Variants in SYNE1 observed in about 807,000 individuals in gnomAD.
SYNE1 encodes spectrin repeat containing nuclear envelope protein 1, also known as nesprin-1.
In SYNE1, 616 loss-of-function variants were observed where a neutral mutation model predicts 1,111.0. The ratio of observed to expected loss-of-function variants is 0.55; its 90% CI spans 0.52 to 0.59. The LOEUF (loss-of-function observed/expected upper bound fraction) is 0.59, where lower values mean the gene tolerates loss of function less well. Ranked by LOEUF, SYNE1 falls within the 20% of genes least tolerant of loss-of-function variation. The probability of loss-of-function intolerance (pLI) is 0.00; values close to 1 mark genes in which losing one functional copy is unlikely to be tolerated. For missense variants in SYNE1, 10,006 were observed against 10,417.0 expected, an observed-to-expected ratio of 0.96 and a Z score of 1.72; for synonymous variants, 3,855 against 3,825.8, an observed-to-expected ratio of 1.01 and a Z score of -0.28.
At chr6:152,232,410 G>T in intron 112 of SYNE1, 145 bp from the exon 113 acceptor site, 1 of 902,798 alleles carries the variant, frequency 1.1e-6, no homozygotes, top group Non-Finnish European at 1.7e-6. Context: ...TACCCTTTCT[G>T]AAAGCTTGAA....
intron 104 of SYNE1, among the ~76,000 whole-genome samples, chr6:152,254,244 C>CTTG (rs1562531205): frequency 6.8e-5 from 5 of 73,142 alleles, no homozygotes; most frequent in Non-Finnish European, 1.2e-4. Context: ...TCTGCATACT[C>CTTG]TTTTTTTTTT....
chr6:152,576,934 A>G (rs1440950701), intron 3 of SYNE1, among the ~76,000 whole-genome samples: 4 of 152,362 alleles, frequency 2.6e-5, no homozygotes, highest in African/African-American at 7.2e-5. Context: ...TCTAAAGCAA[A>G]TAGCATTTTT....
In SYNE1 at chr6:152,483,265, C is replaced by T. The variant is rs1593639961; in HGVS notation, c.1186-16G>A. ...AGTCAAAGAGCTAAAATTTAAAAAG[C>T]AGAAAAGTAAAATATCTTTAATACA... On this transcript the variant is annotated splice_polypyrimidine_tract_variant and intron_variant, in intron 13 of 145. Coordinates refer to ENST00000367255, the MANE Select transcript of SYNE1 (RefSeq NM_182961.4). The T allele has an allele frequency of 1.9e-6, 3 of 1,612,416 alleles. No homozygotes were observed. In the African/African-American group the frequency reaches 4.0e-5, roughly 22 times the overall value.
At chr6:152,631,714 G>T (rs907126128) in intron 2 of SYNE1, among the ~76,000 whole-genome samples, 1 of 152,094 alleles carries the variant, frequency 6.6e-6, no homozygotes, top group Non-Finnish European at 1.5e-5. Flanking sequence ...CTTGGTGATT[G>T]GTCACCCAGG....
At chr6:152,461,865 T>C (rs1159688166) in intron 20 of SYNE1, 125 bp from the exon 21 acceptor site, 2 of 1,244,350 alleles carry the variant, frequency 1.6e-6, no homozygotes, top group Non-Finnish European at 2.3e-6. Flanking sequence ...CACTAAACTT[T>C]CGACGATTCC....
chr6:152,309,798 A>T (rs1262177060), intron 90 of SYNE1, 37 bp downstream of exon 90: 1 of 1,611,018 alleles, frequency 6.2e-7, no homozygotes, highest in African/African-American at 1.3e-5. Flanking sequence ...ATGATTCATC[A>T]GCAATTGCTC....
intron 138 of SYNE1, among the ~76,000 whole-genome samples, chr6:152,142,733 G>A (rs994780338): frequency 7.2e-5 from 11 of 152,134 alleles, no homozygotes; most frequent in African/African-American, 2.7e-4. Context: ...ATAGAAGTTG[G>A]TATAATAGGC....
At chr6:152,141,075 T>C in intron 139 of SYNE1, 128 bp downstream of exon 139, 1 of 1,342,606 alleles carries the variant, frequency 7.4e-7, no homozygotes, top group Admixed American at 1.7e-5. Context: ...TGTTATAACT[T>C]GGAAGGAAGT....
chr6:152,588,072 T>C (rs975381397), intron 3 of SYNE1, among the ~76,000 whole-genome samples: 1 of 152,148 alleles, frequency 6.6e-6, no homozygotes, highest in African/African-American at 2.4e-5. Context: ...CAAGACTGCT[T>C]CACCTTTATC....
intron 127 of SYNE1, among the ~76,000 whole-genome samples, chr6:152,189,625 T>C (rs761524173): frequency 1.3e-5 from 2 of 152,222 alleles, no homozygotes; most frequent in Non-Finnish European, 2.9e-5. Context: ...AATTTTTTGG[T>C]TTCTCAGTGC....
intron 16 of SYNE1, 145 bp downstream of exon 16, chr6:152,471,452 G>A: frequency 1.3e-6 from 1 of 753,776 alleles, no homozygotes; most frequent in Non-Finnish European, 2.2e-6. Context: ...ATTCTGAAAA[G>A]CTCATAAACT....
rs922886453 is a variant in SYNE1 at position 152,548,785 on chromosome 6, G to A, written c.68-8764C>T. Among the ~76,000 whole-genome samples the A allele has an allele frequency of 3.9e-5, 6 of 152,248 alleles. No homozygotes were observed. The South Asian group carries it at 1.0e-3, about 26-fold the overall frequency. On this transcript the variant is annotated intron_variant, in intron 3 of 145. Transcript: ENST00000367255. ...CAACTATGCATCCTTCTTTTGTATG[G>A]TGACTTTGTCCTTCCCATCCAGGGG... is the stretch of plus-strand genomic sequence containing the variant.
chr6:152,348,964 T>C (rs2096692302), intron 72 of SYNE1, among the ~76,000 whole-genome samples: 1 of 152,142 alleles, frequency 6.6e-6, no homozygotes, highest in African/African-American at 2.4e-5. Context: ...CATGAGGCCA[T>C]TCATGGGGTA....
rs530942730 is a variant in SYNE1 at position 152,359,614 on chromosome 6, G to A, written c.10300-156C>T. 4.6e-5 allele frequency among the ~76,000 whole-genome samples: 7 copies of A among 150,660 alleles called. 1 individual carries two copies. The highest frequency in any genetic ancestry group is 3.9e-4 in the East Asian group (2 of 5,178). ...CATTTTATCTATTTGACACAGATAT[G>A]TGTGTGAATGCATGGGTGTGTGTGT... On this transcript the variant is annotated intron_variant, in intron 64 of 145. Coordinates refer to ENST00000367255, the MANE Select transcript of SYNE1 (RefSeq NM_182961.4).
chr6:152,619,744 T>C (rs530582498), intron 3 of SYNE1, among the ~76,000 whole-genome samples: 1 of 151,316 alleles, frequency 6.6e-6, no homozygotes, highest in African/African-American at 2.5e-5. Context: ...GACACACAAG[T>C]GTCCAAGATG....
intron 59 of SYNE1, among the ~76,000 whole-genome samples, chr6:152,371,172 C>A (rs530678020): frequency 1.3e-5 from 2 of 152,110 alleles, no homozygotes; most frequent in African/African-American, 2.4e-5. Flanking sequence ...TGTCCCCCCC[C>A]AAATCTCATC....
intron 73 of SYNE1, among the ~76,000 whole-genome samples, chr6:152,346,386 C>G (rs1427068482): frequency 6.6e-6 from 1 of 152,022 alleles, no homozygotes; most frequent in African/African-American, 2.4e-5. Context: ...AGGCTGGTCT[C>G]AAGCTCCTGA....
chr6:152,597,855 TAGTG>T (rs1341591462), intron 3 of SYNE1, among the ~76,000 whole-genome samples: 2 of 152,186 alleles, frequency 1.3e-5, no homozygotes, highest in Non-Finnish European at 2.9e-5. Context: ...GCAACTATGG[TAGTG>T]AGTATTATTT....
chr6:152,559,851 T>C (rs1170251244), intron 3 of SYNE1, among the ~76,000 whole-genome samples: 1 of 152,060 alleles, frequency 6.6e-6, no homozygotes, highest in Non-Finnish European at 1.5e-5. Context: ...AGTTGGTTTT[T>C]GAAAAGATAA....
Sources: allele counts gnomAD v4.1 joint callset (sites outside exome capture counted in the v4.1 genomes callset), GRCh38; gene constraint gnomAD v4.1.1; transcripts MANE v1.5; gene names NCBI Gene and HGNC (gene_info 2026-07-23, HGNC 2026-07-21).